The following HIPK2 variants were observed in gnomAD, a reference collection of about 807,000 sequenced individuals.
HIPK2 encodes homeodomain interacting protein kinase 2.
Under a neutral mutation model 113.7 loss-of-function variants are expected in HIPK2, and 27 were observed. That is an observed-to-expected ratio of 0.24 (90% CI 0.17 to 0.33). HIPK2 has a LOEUF of 0.33. Ranked by LOEUF, HIPK2 falls within the 10% of genes least tolerant of loss-of-function variation. The pLI is 1.00. For synonymous variants in HIPK2, 631 were observed against 642.2 expected (o/e 0.98, Z 0.26); for missense variants, 1,257 against 1,588.0 (o/e 0.79, Z 3.54).
At chr7:139,682,130 G>A (rs1192498806) in intron 2 of HIPK2, among the ~76,000 whole-genome samples, 2 of 152,142 alleles carry the variant, frequency 1.3e-5, no homozygotes, top group Non-Finnish European at 2.9e-5. Flanking sequence ...CATAGACCAC[G>A]TTGCTTCCAC....
intron 13 of HIPK2, among the ~76,000 whole-genome samples, chr7:139,581,026 C>T (rs948321762): frequency 1.3e-5 from 2 of 151,934 alleles, no homozygotes; most frequent in Non-Finnish European, 2.9e-5. Context: ...TCGAGACCAG[C>T]CTGGCTAACG....
intron 2 of HIPK2, among the ~76,000 whole-genome samples, chr7:139,642,844 G>A (rs763460905): frequency 5.3e-5 from 8 of 152,156 alleles, no homozygotes. Context: ...GCCAAACACC[G>A]TGGACCCCAA....
intron 1 of HIPK2, among the ~76,000 whole-genome samples, chr7:139,744,085 A>C (rs1260773939): frequency 6.6e-6 from 1 of 152,224 alleles, no homozygotes; most frequent in Non-Finnish European, 1.5e-5. Flanking sequence ...AAGAAAACTG[A>C]AAACATATGT....
At chr7:139,764,554 G>A (rs1796521903) in intron 1 of HIPK2, among the ~76,000 whole-genome samples, 1 of 152,212 alleles carries the variant, frequency 6.6e-6, no homozygotes, top group African/African-American at 2.4e-5. Flanking sequence ...ATTTCAGGGG[G>A]TTGACCAAGA....
In HIPK2 at chr7:139,573,193, G is replaced by C; in HGVS notation, c.3331C>G (p.Leu1111Val). The C allele has an allele frequency of 6.2e-7, 1 of 1,607,706 alleles. No homozygotes were observed. Among genetic ancestry groups the C allele is most frequent in the Non-Finnish European group, 8.5e-7 (1 of 1,179,170 alleles). Reference protein sequence around the residue: ...HLYTYTAPAALGSTGTVAHLV... With the variant: ...HLYTYTAPAAVGSTGTVAHLV... ...TGGGCCACGGTGCCGGTGGAGCCCAGGGCCGCCGGCGCAGTGTAGGTGTAG... is the reference window on the plus strand; with the variant it reads ...TGGGCCACGGTGCCGGTGGAGCCCACGGCCGCCGGCGCAGTGTAGGTGTAG... Residue 1111 changes from leucine to valine, a missense_variant, in exon 15 of 15, where the codon CTG (leucine) becomes GTG (valine). By Grantham distance (32) the Leu-to-Val change is conservative. This residue lies in a region of HIPK2 where 862 missense variants were observed against 1,004.3 expected (regional missense o/e 0.86). Coordinates refer to ENST00000406875, the MANE Select transcript of HIPK2 (RefSeq NM_022740.5).
chr7:139,590,545 G>A lies in HIPK2; in HGVS notation c.2717+6172C>T, dbSNP rs1798983384. On this transcript the variant is annotated intron_variant, in intron 12 of 14. Transcript: ENST00000406875. The stretch of plus-strand genomic sequence containing the variant: ...CTCCAATAACTTCTTTTACCCTTCT[G>A]ATTTCATAGTCAATGCTATGTGTTC... Among the ~76,000 whole-genome samples, 4 of 152,256 alleles carry A rather than the reference G, an allele frequency of 2.6e-5. 1 individual carries two copies. In the South Asian group the frequency reaches 8.3e-4, roughly 32 times the overall value.
intron 2 of HIPK2, among the ~76,000 whole-genome samples, chr7:139,695,761 T>C: frequency 6.6e-6 from 1 of 152,028 alleles, no homozygotes; most frequent in East Asian, 1.9e-4. Context: ...CCGAAAACTA[T>C]GGAAGAAGCA....
intron 1 of HIPK2, among the ~76,000 whole-genome samples, chr7:139,727,305 G>A (rs776177317): frequency 7.2e-5 from 11 of 152,150 alleles, no homozygotes; most frequent in Non-Finnish European, 1.5e-4. Context: ...GAGTGGCAGA[G>A]CCTGGCTGGG....
chr7:139,633,177 T>G (rs1159842342), intron 2 of HIPK2, among the ~76,000 whole-genome samples: 3 of 151,752 alleles, frequency 2.0e-5, no homozygotes, highest in Non-Finnish European at 4.4e-5. Context: ...CTGATTTTTG[T>G]TTTCTCTATA....
intron 2 of HIPK2, among the ~76,000 whole-genome samples, chr7:139,688,886 A>G (rs938212476): frequency 5.3e-5 from 8 of 152,232 alleles, no homozygotes; most frequent in Admixed American, 3.3e-4. Flanking sequence ...CAAAGTGACC[A>G]ACAACTTGTA....
At chr7:139,632,895 T>C (rs371835168) in intron 2 of HIPK2, among the ~76,000 whole-genome samples, 18 of 151,660 alleles carry the variant, frequency 1.2e-4, no homozygotes, top group Admixed American at 1.3e-4. Context: ...CTGGGCAACA[T>C]GGCAAAACCC....
At chr7:139,767,904 C>T (rs1165567284) in intron 1 of HIPK2, among the ~76,000 whole-genome samples, 2 of 152,210 alleles carry the variant, frequency 1.3e-5, no homozygotes, top group African/African-American at 4.8e-5. Flanking sequence ...CTCACCCCTC[C>T]CAACATGGGC....
intron 5 of HIPK2, among the ~76,000 whole-genome samples, chr7:139,628,622 C>T (rs775449275): frequency 1.4e-4 from 21 of 151,986 alleles, no homozygotes; most frequent in African/African-American, 1.9e-4. Context: ...TTAGTAGAGA[C>T]GGGGTTTCGC....
chr7:139,626,455 T>C, intron 6 of HIPK2, 146 bp downstream of exon 6: 1 of 762,722 alleles, frequency 1.3e-6, no homozygotes. Context: ...CATCTGTTTA[T>C]GTATTGCATC....
At chr7:139,659,004 A>T (rs1031848347) in intron 2 of HIPK2, among the ~76,000 whole-genome samples, 1 of 152,122 alleles carries the variant, frequency 6.6e-6, no homozygotes, top group Non-Finnish European at 1.5e-5. Flanking sequence ...CTCCCTGGGA[A>T]CCCTAGTTGG....
chr7:139,754,768 A>C (rs529089353), intron 1 of HIPK2, among the ~76,000 whole-genome samples: 1 of 152,130 alleles, frequency 6.6e-6, no homozygotes, highest in African/African-American at 2.4e-5. Context: ...CTCCGTGGGC[A>C]GTGGGAGGGG....
intron 9 of HIPK2, among the ~76,000 whole-genome samples, chr7:139,612,386 T>A (rs1344484265): frequency 6.6e-6 from 1 of 152,104 alleles, no homozygotes; most frequent in African/African-American, 2.4e-5. Context: ...ACAGAAGTAG[T>A]ATAGCTTGGT....
At chr7:139,727,551 C>T (rs1259857832) in intron 1 of HIPK2, among the ~76,000 whole-genome samples, 1 of 152,244 alleles carries the variant, frequency 6.6e-6, no homozygotes, top group Non-Finnish European at 1.5e-5. Flanking sequence ...ATTCTCCACA[C>T]ATCTATCTAC....
intron 1 of HIPK2, among the ~76,000 whole-genome samples, chr7:139,771,229 G>C (rs954453600): frequency 1.3e-5 from 2 of 152,098 alleles, no homozygotes; most frequent in African/African-American, 4.8e-5. Flanking sequence ...ACACTGCTCT[G>C]AATCATCAAG....
Sources: gnomAD v4.1 joint callset for allele counts (sites outside exome capture counted in the v4.1 genomes callset) on GRCh38, gnomAD v4.1.1 for gene constraint, gnomAD v4.1.1 regional missense constraint, MANE v1.5 for transcripts, NCBI Gene and HGNC (gene_info 2026-07-23, HGNC 2026-07-21) for gene names.